The following FEZF2 variants were observed in gnomAD, a reference collection of about 807,000 sequenced individuals.
FEZF2 encodes fez family zinc finger protein 2.
Under a neutral mutation model 32.8 loss-of-function variants are expected in FEZF2, and 2 were observed. The observed-to-expected ratio is 0.06, with a 90% CI of 0.02 to 0.19. The LOEUF (loss-of-function observed/expected upper bound fraction) is 0.19, where lower values mean the gene tolerates loss of function less well. Among genes scored for constraint, FEZF2 ranks in the 10% least tolerant of loss-of-function variants. FEZF2 has a pLI of 1.00. For missense variants in FEZF2, 516 were observed against 625.4 expected (o/e 0.83, Z 1.87); for synonymous variants, 322 against 284.8 (o/e 1.13, Z -1.32).
At chr3:62,371,073 C>T (rs1704262115) in intron 4 of FEZF2, 144 bp downstream of exon 4, 11 of 1,256,290 alleles carry the variant, frequency 8.8e-6, no homozygotes, top group Non-Finnish European at 1.2e-5. Context: ...CTACACCAGG[C>T]ACAACCCGAT....
intron 4 of FEZF2, 23 bp downstream of exon 4, chr3:62,371,194 G>A (rs774302908): frequency 5.0e-6 from 8 of 1,614,078 alleles, no homozygotes; most frequent in Non-Finnish European, 5.9e-6. Flanking sequence ...GGTGAGAAGA[G>A]AAGGCCTCGC....
Position 62,371,999 on chromosome 3 carries a change from C to T in FEZF2, c.852+18G>A, listed in dbSNP as rs757060921. The T allele has an allele frequency of 1.3e-6, 2 of 1,597,538 alleles. No homozygotes were observed. The highest frequency in any genetic ancestry group is 2.2e-5 in the South Asian group (2 of 89,832). On this transcript the variant is annotated intron_variant, in intron 2 of 4. Transcript: ENST00000283268. ...CGATCGCCCCTCCCGGCCCCCCTCGCCGAACCCTGGGCCTCACCTTGCCGC... is the reference window on the plus strand; with the variant it reads ...CGATCGCCCCTCCCGGCCCCCCTCGTCGAACCCTGGGCCTCACCTTGCCGC...
In FEZF2 at chr3:62,372,482, G is replaced by A. The variant is rs1704286678; in HGVS notation, c.387C>T (p.Thr129=). 1.3e-6 allele frequency: 2 copies of A among 1,543,548 alleles called. No homozygotes were observed. ...CGGCCTTGCAGCACACGCCACAGTT[G>A]GTTTTGCACAAGCCGCTGGCGCCGC... ...PVCGASGLCK[T]NCGVCCKAEL... Residue 129 remains threonine, a synonymous_variant, in exon 2 of 5, where the codon ACC becomes ACT. Coordinates refer to ENST00000283268, the MANE Select transcript of FEZF2 (RefSeq NM_018008.4). This position sits in a 1 kb window ranked among gnomAD's most constrained non-coding sequence, Gnocchi z 9.6.
In FEZF2 at chr3:62,372,956, C is replaced by CTGCAATTTAA; in HGVS notation, c.-58-40_-58-31dup. On this transcript the variant is annotated intron_variant, in intron 1 of 4. Transcript: ENST00000283268. This position sits in a 1 kb window ranked among gnomAD's most constrained non-coding sequence, Gnocchi z 9.6. The stretch of plus-strand genomic sequence containing the variant: ...ATTCCGGAAAAGGCAGGGGGGAAAA[C>CTGCAATTTAA]TGCAATTTAATAAGCACCTAGTCGG... 2 of 1,273,554 alleles carry CTGCAATTTAA rather than the reference C, an allele frequency of 1.6e-6. No homozygotes were observed. The highest frequency in any genetic ancestry group is 2.0e-6 in the Non-Finnish European group (2 of 989,640). 78.9% of individuals were successfully genotyped at this position (1,273,554 alleles called of 1,614,324 possible). A position where few individuals can be genotyped will look rare whatever the true frequency, so the allele number is the denominator to read the frequency against.
In FEZF2 at chr3:62,372,410, C is replaced by T; in HGVS notation, c.459G>A (p.Lys153=). 7 of 1,611,042 alleles carry T rather than the reference C, an allele frequency of 4.3e-6. No individual in the cohort carries two copies. Among genetic ancestry groups the T allele is most frequent in the Non-Finnish European group, 5.9e-6 (7 of 1,179,574 alleles). The change falls in exon 2 of 5, where the codon AAG becomes AAA. Residue 153 remains lysine, a synonymous_variant. Coordinates refer to ENST00000283268, the MANE Select transcript of FEZF2 (RefSeq NM_018008.4). This position sits in a 1 kb window ranked among gnomAD's most constrained non-coding sequence, Gnocchi z 9.6. Reference sequence around the variant, plus strand: ...CCACAGCCTGGTTGATGACCTGCGGCTTGATGACCCTGCCCGCGGGCAGCG... The same window carrying T: ...CCACAGCCTGGTTGATGACCTGCGGTTTGATGACCCTGCCCGCGGGCAGCG... ...PSALPAGRVI[K]PQVINQAVGL... is the part of the protein sequence containing the mutation.
In FEZF2 at chr3:62,373,254, G is replaced by A. The variant is rs556180157; in HGVS notation, c.-59+25C>T. 9.7e-6 allele frequency: 2 copies of A among 205,146 alleles called. No homozygotes were observed. Among genetic ancestry groups the A allele is most frequent in the African/African-American group, 4.6e-5 (2 of 43,684 alleles). The allele number at this position is 205,146 out of a possible 1,614,324, so 12.7% of individuals were successfully genotyped here. On this transcript the variant is annotated intron_variant, in intron 1 of 4. Transcript: ENST00000283268. The surrounding 1 kb of genome is among the most constrained non-coding windows in gnomAD (Gnocchi z 5.5). ...ACAGTGAAGGGGCAAAGTTAAAGAGGACCGGAGAGCCACCTCGCATTTACC... is the reference window on the plus strand; with the variant it reads ...ACAGTGAAGGGGCAAAGTTAAAGAGAACCGGAGAGCCACCTCGCATTTACC...
At position 62,372,518 on chromosome 3, in the gene FEZF2, C is replaced by G. The variant is rs1164184053; in HGVS notation, c.351G>C (p.Gly117=). ...GGGGGGGGGG[G]APVCGASGLC... is the part of the protein sequence containing the mutation. ...AGCCGCTGGCGCCGCACACTGGGGC[C>G]CCCCCGCCGCCGCCGCCGCCACCGC... Residue 117 remains glycine (G), a synonymous_variant, in exon 2 of 5, where the codon GGG becomes GGC. Transcript: ENST00000283268. The surrounding 1 kb of genome is among the most constrained non-coding windows in gnomAD (Gnocchi z 9.6). 1 of 1,298,102 alleles carries G rather than the reference C, an allele frequency of 7.7e-7. No individual in the cohort carries two copies. Among genetic ancestry groups the G allele is most frequent in the Non-Finnish European group, 9.8e-7 (1 of 1,024,894 alleles). The allele number at this position is 1,298,102 out of a possible 1,614,324, so 80.4% of individuals were successfully genotyped here.
Position 62,372,539 on chromosome 3 carries a change from A to ACCGCCG in FEZF2, c.324_329dup (p.Gly116_Gly117dup), listed in dbSNP as rs760225155. On this transcript the variant is annotated inframe_insertion, in exon 2 of 5. Coordinates refer to ENST00000283268, the MANE Select transcript of FEZF2 (RefSeq NM_018008.4). This position sits in a 1 kb window ranked among gnomAD's most constrained non-coding sequence, Gnocchi z 9.6. ...GGGCCCCCCCGCCGCCGCCGCCGCCACCGCCGCCGCCGCCTCCGCCGCCGC... is the reference window on the plus strand; with the variant it reads ...GGGCCCCCCCGCCGCCGCCGCCGCCACCGCCGCCGCCGCCGCCGCCTCCGCCGCCGC... 32 of 1,303,266 alleles carry ACCGCCG rather than the reference A, an allele frequency of 2.5e-5. No individual in the cohort carries two copies. The East Asian group carries it at 6.9e-4, about 28-fold the overall frequency. 80.7% of individuals were successfully genotyped at this position (1,303,266 alleles called of 1,614,324 possible). A position where few individuals can be genotyped will look rare whatever the true frequency, so the allele number is the denominator to read the frequency against.
Position 62,372,830 on chromosome 3 carries a change from C to G in FEZF2, c.39G>C (p.Pro13=), listed in dbSNP as rs192509891. ...SSASLETMVP[P]ACPRAGASPA... ...GCGACGCTCCGGCGCGCGGGCAGGC[C>G]GGGGGCACCATGGTCTCCAGGGAAG... The change falls in exon 2 of 5, where the codon CCG becomes CCC. Residue 13 remains proline, a synonymous_variant. Coordinates refer to ENST00000283268, the MANE Select transcript of FEZF2 (RefSeq NM_018008.4). This position sits in a 1 kb window ranked among gnomAD's most constrained non-coding sequence, Gnocchi z 9.6. 4.1e-3 allele frequency: 6,137 copies of G among 1,509,964 alleles called. 19 individuals are homozygous for G. The highest frequency in any genetic ancestry group is 4.8e-3 in the Non-Finnish European group (5,364 of 1,122,838). The allele number at this position is 1,509,964 out of a possible 1,614,324, so 93.5% of individuals were successfully genotyped here. A position where few individuals can be genotyped will look rare whatever the true frequency, so the allele number is the denominator to read the frequency against.
Position 62,370,375 on chromosome 3 carries a change from T to G in FEZF2, c.1121-33A>C. On this transcript the variant is annotated intron_variant, in intron 4 of 4. Transcript: ENST00000283268. The surrounding 1 kb of genome is among the most constrained non-coding windows in gnomAD (Gnocchi z 4.2). ...AGATCAAGAACAAAAAACGTGGGGG[T>G]ATGGAGTAGAATGGTGGGGAGGAAG... 1.2e-6 allele frequency: 2 copies of G among 1,609,470 alleles called. No individual in the cohort carries two copies. The highest frequency in any genetic ancestry group is 3.3e-5 in the Admixed American group (2 of 59,828).
rs1344097349 is a variant in FEZF2, at chr3:62,373,125, G to A, written c.-59+154C>T. On this transcript the variant is annotated intron_variant, in intron 1 of 4. Coordinates refer to ENST00000283268, the MANE Select transcript of FEZF2 (RefSeq NM_018008.4). This position sits in a 1 kb window ranked among gnomAD's most constrained non-coding sequence, Gnocchi z 5.5. ...CTTTGAAAGGGGGAAGAAGGGGGAGGGTTTACAAAAGAAAAGGGGGGGGGC... is the reference window on the plus strand; with the variant it reads ...CTTTGAAAGGGGGAAGAAGGGGGAGAGTTTACAAAAGAAAAGGGGGGGGGC... 1 of 300,946 alleles carries A rather than the reference G, an allele frequency of 3.3e-6. No homozygotes were observed. Among genetic ancestry groups the A allele is most frequent in the Non-Finnish European group, 6.1e-6 (1 of 162,652 alleles). 18.6% of individuals were successfully genotyped at this position (300,946 alleles called of 1,614,324 possible).
chr3:62,372,565 C>T lies in FEZF2; in HGVS notation c.304G>A (p.Gly102Ser). 1 of 1,381,644 alleles carries T rather than the reference C, an allele frequency of 7.2e-7. No individual in the cohort carries two copies. The highest frequency in any genetic ancestry group is 2.3e-5 in the South Asian group (1 of 43,114). The allele number at this position is 1,381,644 out of a possible 1,614,324, so 85.6% of individuals were successfully genotyped here. A position where few individuals can be genotyped will look rare whatever the true frequency, so the allele number is the denominator to read the frequency against. ...CCGCCGCCGCCGCCTCCGCCGCCGC[C>T]CGCCCGGAGGCTGCTTTTCCAGAGC... is the stretch of plus-strand genomic sequence containing the variant. ...SELWKSSLRA[G>S]GGGGGGGGGG... is the part of the protein sequence containing the mutation. The change falls in exon 2 of 5, where the codon GGC becomes AGC. Residue 102 changes from glycine (G) to serine (S), a missense_variant. By Grantham distance (56) the Gly-to-Ser change is moderately conservative. Coordinates refer to ENST00000283268, the MANE Select transcript of FEZF2 (RefSeq NM_018008.4). This position sits in a 1 kb window ranked among gnomAD's most constrained non-coding sequence, Gnocchi z 9.6.
At position 62,370,027 on chromosome 3, in the gene FEZF2, T is replaced by A; in HGVS notation, c.*56A>T. 2 of 1,569,168 alleles carry A rather than the reference T, an allele frequency of 1.3e-6. No homozygotes were observed. The highest frequency in any genetic ancestry group is 1.7e-4 in the Middle Eastern group (1 of 5,764). ...TTTTAATTTTAGAAATAAGTTTATA[T>A]GTGTGATCTGTTTTCAGGTGGTACA... is the stretch of plus-strand genomic sequence containing the variant. On this transcript the variant is annotated 3_prime_UTR_variant, in exon 5 of 5. Transcript: ENST00000283268. The surrounding 1 kb of genome is among the most constrained non-coding windows in gnomAD (Gnocchi z 4.2).
rs1283125719 is a variant in FEZF2 at position 62,371,405 on chromosome 3, G to A, written c.988-56C>T. On this transcript the variant is annotated intron_variant, in intron 3 of 4. Coordinates refer to ENST00000283268, the MANE Select transcript of FEZF2 (RefSeq NM_018008.4). ...GAGGCCACCTCGGGAACACCTGGAA[G>A]GGACATCCCCCCCACCCCCACTCAA... 16 of 1,592,738 alleles carry A rather than the reference G, an allele frequency of 1.0e-5. No homozygotes were observed. The Admixed American group carries it at 2.7e-4, about 27-fold the overall frequency.
intron 3 of FEZF2, 83 bp from the exon 4 acceptor site, chr3:62,371,432 C>T (rs562671425): frequency 8.2e-6 from 13 of 1,582,724 alleles, no homozygotes; most frequent in Non-Finnish European, 1.1e-5. Flanking sequence ...CCCACTCAAC[C>T]CTAGAGGGTA....
chr3:62,372,533 G>A lies in FEZF2; in HGVS notation c.336C>T (p.Gly112=), dbSNP rs1216264253. 6.9e-6 allele frequency: 9 copies of A among 1,305,426 alleles called. No individual in the cohort carries two copies. The South Asian group carries it at 8.9e-5, about 13-fold the overall frequency. The allele number at this position is 1,305,426 out of a possible 1,614,324, so 80.9% of individuals were successfully genotyped here. ...ACACTGGGGCCCCCCCGCCGCCGCC[G>A]CCGCCACCGCCGCCGCCGCCTCCGC... ...GGGGGGGGGG[G]GGGGGAPVCG... The change falls in exon 2 of 5, where the codon GGC becomes GGT. Residue 112 remains glycine, a synonymous_variant. Transcript: ENST00000283268. This position sits in a 1 kb window ranked among gnomAD's most constrained non-coding sequence, Gnocchi z 9.6.
Position 62,372,760 on chromosome 3 carries a change from C to T in FEZF2, c.109G>A (p.Ala37Thr). Residue 37 changes from alanine to threonine, a missense_variant, in exon 2 of 5, where the codon GCC becomes ACC. Physicochemically the swap from Ala to Thr is moderately conservative, Grantham distance 58. Around this residue, in one of 3 missense-constraint regions of FEZF2, gnomAD observed 408 missense variants for 382.2 expected, o/e 1.07. Transcript: ENST00000283268. This position sits in a 1 kb window ranked among gnomAD's most constrained non-coding sequence, Gnocchi z 9.6. ...GGCGCACGGGGCTCCGACGTCTTGG[C>T]CATGATGCGCTCGATGGAAAAGGCC... ...TLAFSIERIM[A>T]KTSEPRAPFE... The T allele has an allele frequency of 6.2e-7, 1 of 1,601,390 alleles. No individual in the cohort carries two copies. The highest frequency in any genetic ancestry group is 1.3e-5 in the African/African-American group (1 of 74,232).
chr3:62,372,076 G>C lies in FEZF2; in HGVS notation c.793C>G (p.Leu265Val), dbSNP rs761222668. 6.2e-7 allele frequency: 1 copy of C among 1,609,000 alleles called. No individual in the cohort carries two copies. The highest frequency in any genetic ancestry group is 1.7e-5 in the Admixed American group (1 of 59,418). The change falls in exon 2 of 5, where the codon CTG (leucine) becomes GTG (valine). Residue 265 changes from leucine to valine, a missense_variant. Leu to Val is a conservative substitution (Grantham distance 32). This residue lies in a region of FEZF2 where 408 missense variants were observed against 382.2 expected (regional missense o/e 1.07). Transcript: ENST00000283268. The surrounding 1 kb of genome is among the most constrained non-coding windows in gnomAD (Gnocchi z 9.6). ...TTGCCATCTGCGGAGCCTCCTGGCA[G>C]CTTGCTGTGGCCCTTGACGCCTCCG... Reference protein sequence around the residue: ...ERGGVKGHSKLPGGSADGKPK... With the variant: ...ERGGVKGHSKVPGGSADGKPK...
In FEZF2 at chr3:62,372,197, G is replaced by C. The variant is rs775637084; in HGVS notation, c.672C>G (p.Asp224Glu). 2 of 1,578,286 alleles carry C rather than the reference G, an allele frequency of 1.3e-6. No homozygotes were observed. Among genetic ancestry groups the C allele is most frequent in the South Asian group, 1.2e-5 (1 of 86,806 alleles). The change falls in exon 2 of 5, where the codon GAC becomes GAG. Residue 224 changes from aspartate (D) to glutamate (E), a missense_variant. Coordinates refer to ENST00000283268, the MANE Select transcript of FEZF2 (RefSeq NM_018008.4). The surrounding 1 kb of genome is among the most constrained non-coding windows in gnomAD (Gnocchi z 9.6). ...ENAKLAGLAA[D>E]KFPHPAPYPH... ...GATAGGGAGCCGGGTGGGGGAACTTGTCCGCAGCCAGGCCGGCCAGCTTGG... is the reference window on the plus strand; with the variant it reads ...GATAGGGAGCCGGGTGGGGGAACTTCTCCGCAGCCAGGCCGGCCAGCTTGG...
Sources: gnomAD v4.1 joint callset for allele counts on GRCh38, gnomAD v4.1.1 for gene constraint, gnomAD v4.1.1 regional missense constraint, Gnocchi (gnomAD v3.1) non-coding constraint, MANE v1.5 for transcripts, NCBI Gene and HGNC (gene_info 2026-07-23, HGNC 2026-07-21) for gene names.